The following NEDD9 variants were observed in gnomAD, a reference collection of about 807,000 sequenced individuals.
NEDD9 encodes the protein enhancer of filamentation 1.
NEDD9 carries 26 observed loss-of-function variants against 76.6 expected under a neutral mutation model. The observed-to-expected ratio is 0.34, with a 90% CI of 0.25 to 0.47. The LOEUF is 0.47. Ranked by LOEUF, NEDD9 falls within the 20% of genes least tolerant of loss-of-function variation. The pLI is 1.00. For synonymous variants in NEDD9, 392 were observed against 414.2 expected (o/e 0.95, Z 0.65); for missense variants, 937 against 1,058.5 (o/e 0.89, Z 1.59).
intron 2 of NEDD9, among the ~76,000 whole-genome samples, chr6:11,211,773 G>A (rs1758793927): frequency 6.6e-6 from 1 of 152,172 alleles, no homozygotes; most frequent in South Asian, 2.1e-4. Flanking sequence ...CATGCCACAC[G>A]CGTGCTCTTG....
intron 2 of NEDD9, among the ~76,000 whole-genome samples, chr6:11,202,720 C>T (rs1341320626): frequency 6.6e-6 from 1 of 152,220 alleles, no homozygotes; most frequent in Non-Finnish European, 1.5e-5. Context: ...AATACACCCT[C>T]GTAAGCCATG....
At chr6:11,249,647 TAGAGGATGACTGCTAGTGTTGGCC>T (rs1759875361) in intron 3 of NEDD9, among the ~76,000 whole-genome samples, 2 of 152,174 alleles carry the variant, frequency 1.3e-5, no homozygotes, top group Non-Finnish European at 2.9e-5. Context: ...GAATGGGTAT[TAGAGGATGACTGCTAGTGTTGGCC>T]ACAAGTACCT....
chr6:11,185,449 G>A lies in NEDD9; in HGVS notation c.2218C>T (p.Arg740Ter), dbSNP rs1249218736. ...AACTTGCTGTGTGCCACGAAGATTCGCGGGGGCTGGGCTGAGCTGACACAA... is the reference window on the plus strand; with the variant it reads ...AACTTGCTGTGTGCCACGAAGATTCACGGGGGCTGGGCTGAGCTGACACAA... ...FSCVSSAQPP[R>*]IFVAHSKFVI... The change falls in exon 7 of 7, where the codon CGA becomes TGA. Residue 740 changes from arginine to a stop codon, truncating the protein, a stop_gained. Coordinates refer to ENST00000379446, the MANE Select transcript of NEDD9 (RefSeq NM_006403.4). LOFTEE classifies it high-confidence loss of function. 3 of 1,614,088 alleles carry A rather than the reference G, an allele frequency of 1.9e-6. No homozygotes were observed. Among genetic ancestry groups the A allele is most frequent in the Non-Finnish European group, 1.7e-6 (2 of 1,180,052 alleles).
intron 3 of NEDD9, among the ~76,000 whole-genome samples, chr6:11,302,099 CA>C (rs1761061848): frequency 6.6e-6 from 1 of 151,326 alleles, no homozygotes. Context: ...AAAAGATCAA[CA>C]AAATAGATAG....
chr6:11,289,780 C>T (rs532038144), intron 3 of NEDD9, among the ~76,000 whole-genome samples: 1 of 152,170 alleles, frequency 6.6e-6, no homozygotes, highest in South Asian at 2.1e-4. Flanking sequence ...TATTTTCTCT[C>T]CCTAGCTGTT....
intron 2 of NEDD9, among the ~76,000 whole-genome samples, chr6:11,203,347 A>G (rs1157720636): frequency 1.3e-5 from 2 of 152,232 alleles, no homozygotes; most frequent in African/African-American, 2.4e-5. Context: ...TCTGAGCGCT[A>G]CATCTAGATT....
At position 11,185,591 on chromosome 6, in the gene NEDD9, G is replaced by A. The variant is rs764482701; in HGVS notation, c.2076C>T (p.Ser692=). 4 of 1,614,216 alleles carry A rather than the reference G, an allele frequency of 2.5e-6. No individual in the cohort carries two copies. The South Asian group carries it at 4.4e-5, about 18-fold the overall frequency. ...TCACGCCACTGTTTGTGGTGGGTAGGCTCTGAGAGGGCTTCCACTTCGAGA... is the reference window on the plus strand; with the variant it reads ...TCACGCCACTGTTTGTGGTGGGTAGACTCTGAGAGGGCTTCCACTTCGAGA... ...NDISKWKPSQ[S]LPTTNSGVSA... The change falls in exon 7 of 7, where the codon AGC becomes AGT. Residue 692 remains serine, a synonymous_variant. Coordinates refer to ENST00000379446, the MANE Select transcript of NEDD9 (RefSeq NM_006403.4).
chr6:11,356,402 T>C lies in NEDD9; in HGVS notation c.-213-21841A>G, dbSNP rs183480343. 1.8e-3 allele frequency among the ~76,000 whole-genome samples: 270 copies of C among 152,342 alleles called. 1 individual carries two copies. Among genetic ancestry groups the C allele is most frequent in the African/African-American group, 6.3e-3 (262 of 41,578 alleles). On this transcript the variant is annotated intron_variant, in intron 1 of 3. Transcript: ENST00000397378. ...TCTTTGCAGGTGACATACATATAAA[T>C]TATTCACAAATGTCGGTATGCTAAC... is the stretch of plus-strand genomic sequence containing the variant.
intron 1 of NEDD9, among the ~76,000 whole-genome samples, chr6:11,351,755 CT>C (rs1762476784): frequency 1.3e-5 from 2 of 152,208 alleles, no homozygotes; most frequent in Admixed American, 1.3e-4. Flanking sequence ...TTCCCTGTTT[CT>C]CTGGTTCTTC....
intron 2 of NEDD9, among the ~76,000 whole-genome samples, chr6:11,334,269 GTAAT>G (rs771370539): frequency 2.0e-5 from 3 of 152,194 alleles, no homozygotes; most frequent in Non-Finnish European, 2.9e-5. Flanking sequence ...TTATTTCTGA[GTAAT>G]TAAGGGGCGA....
At chr6:11,267,716 C>T (rs555279697) in intron 3 of NEDD9, among the ~76,000 whole-genome samples, 17 of 152,150 alleles carry the variant, frequency 1.1e-4, no homozygotes, top group East Asian at 1.9e-4. Context: ...TGTGGAGATA[C>T]GGGTCTTGTC....
Position 11,252,229 on chromosome 6 carries a change from A to G in NEDD9, c.13-38502T>C, listed in dbSNP as rs1759928545. On this transcript the variant is annotated intron_variant, in intron 3 of 3. Transcript: ENST00000397378. This position sits in a 1 kb window ranked among gnomAD's most constrained non-coding sequence, Gnocchi z 4.3. ...CTCTGGAGAGCTGACTGGTATTCTC[A>G]TTTTCTACCAGCCTGAGCATGTCAT... 6.6e-6 allele frequency among the ~76,000 whole-genome samples: 1 copy of G among 151,926 alleles called. No individual in the cohort carries two copies. Among genetic ancestry groups the G allele is most frequent in the South Asian group, 2.1e-4 (1 of 4,816 alleles).
chr6:11,221,382 T>A (rs77407329), intron 1 of NEDD9, among the ~76,000 whole-genome samples: 78 of 129,808 alleles, frequency 6.0e-4, no homozygotes, highest in South Asian at 1.2e-3. Flanking sequence ...GACTCTGTCA[T>A]AAAAAAAAAA....
intron 1 of NEDD9, among the ~76,000 whole-genome samples, 170 bp downstream of exon 1, chr6:11,232,334 C>T (rs72827151): frequency 0.019 from 2,917 of 150,178 alleles, 40 homozygotes; most frequent in South Asian, 0.052. Context: ...TCTCAAAGAC[C>T]GGGTCTCTGC....
At chr6:11,242,129 C>G (rs1357625193) in intron 3 of NEDD9, among the ~76,000 whole-genome samples, 1 of 152,178 alleles carries the variant, frequency 6.6e-6, no homozygotes, top group Non-Finnish European at 1.5e-5. Flanking sequence ...CCTTGACTTG[C>G]CGAACGGAGT....
intron 1 of NEDD9, among the ~76,000 whole-genome samples, chr6:11,358,056 T>C (rs1397474781): frequency 6.6e-6 from 1 of 152,122 alleles, no homozygotes; most frequent in South Asian, 2.1e-4. Context: ...GAGATCATCC[T>C]GGCCAACATG....
chr6:11,279,598 T>C (rs1189838059), intron 3 of NEDD9, among the ~76,000 whole-genome samples: 2 of 152,232 alleles, frequency 1.3e-5, no homozygotes, highest in African/African-American at 2.4e-5. Flanking sequence ...TTCTTTCTTA[T>C]GTTTCTCGTG....
intron 3 of NEDD9, among the ~76,000 whole-genome samples, chr6:11,244,367 G>C (rs1027824646): frequency 6.6e-6 from 1 of 152,190 alleles, no homozygotes; most frequent in Admixed American, 6.5e-5. Context: ...CTTTAAAACA[G>C]TGTCTGTTTT....
chr6:11,254,328 C>T (rs1335430414), intron 3 of NEDD9, among the ~76,000 whole-genome samples: 1 of 152,110 alleles, frequency 6.6e-6, no homozygotes, highest in Admixed American at 6.5e-5. Flanking sequence ...GCCATATTGG[C>T]CAGGCTGGTC....
Sources: gnomAD v4.1 joint callset for allele counts (sites outside exome capture counted in the v4.1 genomes callset) on GRCh38, gnomAD v4.1.1 for gene constraint, Gnocchi (gnomAD v3.1) non-coding constraint, MANE v1.5 for transcripts, NCBI Gene and HGNC (gene_info 2026-07-23, HGNC 2026-07-21) for gene names.